The following SPON1 variants were observed in gnomAD, a reference collection of about 807,000 sequenced individuals.
SPON1 encodes spondin 1.
SPON1 carries 52 observed loss-of-function variants against 111.7 expected under a neutral mutation model. The ratio of observed to expected loss-of-function variants is 0.47; its 90% CI spans 0.37 to 0.59. The LOEUF is 0.59. Ranked by LOEUF, SPON1 falls within the 20% of genes least tolerant of loss-of-function variation. The pLI, the probability that SPON1 is intolerant of heterozygous loss-of-function variation, is 0.00. For missense variants in SPON1, 957 were observed against 1,068.5 expected, an observed-to-expected ratio of 0.90 and a Z score of 1.46; for synonymous variants, 410 against 395.8, an observed-to-expected ratio of 1.04 and a Z score of -0.43.
intron 3 of SPON1, among the ~76,000 whole-genome samples, chr11:14,071,409 A>G (rs1165461751): frequency 2.0e-5 from 3 of 152,012 alleles, no homozygotes; most frequent in Non-Finnish European, 4.4e-5. Context: ...CAGCCACTCC[A>G]AATCCTTTGA....
intron 3 of SPON1, among the ~76,000 whole-genome samples, chr11:14,051,569 C>A (rs1848708063): frequency 1.3e-5 from 2 of 151,974 alleles, no homozygotes; most frequent in Admixed American, 6.5e-5. Flanking sequence ...GGCTTCCTTC[C>A]TCTCTCTGTC....
intron 7 of SPON1, among the ~76,000 whole-genome samples, chr11:14,246,753 A>G (rs1564940400): frequency 6.6e-6 from 1 of 152,300 alleles, no homozygotes; most frequent in East Asian, 1.9e-4. Flanking sequence ...GGAGATTACA[A>G]TTCAGTGGGG....
rs1554931143 is a variant in SPON1 at position 14,160,981 on chromosome 11, ATTTATATATATT to A, written c.825+25423_825+25434del. Reference sequence around the variant, plus strand: ...TATATATTTATATATATTTTTATATATTTATATATATTTTTATATATTTATATATTTATATAT... The same window carrying A: ...TATATATTTATATATATTTTTATATATTTATATATTTATATATTTATATAT... On this transcript the variant is annotated intron_variant, in intron 6 of 15. Transcript: ENST00000576479. Among the ~76,000 whole-genome samples the A allele has an allele frequency of 1.5e-3, 119 of 81,148 alleles. 16 individuals are homozygous for A. The highest frequency in any genetic ancestry group is 6.6e-3 in the East Asian group (16 of 2,434). The allele number at this position is 81,148 out of a possible 152,430, so 53.2% of individuals were successfully genotyped here. A position where few individuals can be genotyped will look rare whatever the true frequency, so the allele number is the denominator to read the frequency against.
At chr11:14,056,496 C>G (rs965712150) in intron 3 of SPON1, among the ~76,000 whole-genome samples, 30 of 152,092 alleles carry the variant, frequency 2.0e-4, no homozygotes, top group Admixed American at 1.4e-3. Context: ...CTTGCTTGCT[C>G]CTTGCCACTT....
rs1178096381 is a variant in SPON1 at position 14,160,391 on chromosome 11, TTATATATATA to T, written c.825+24825_825+24834del. Reference sequence around the variant, plus strand: ...TGTGCTCAGAACACTTACATTATTTTTATATATATATTTATATATATATATTTATATATAT... The same window carrying T: ...TGTGCTCAGAACACTTACATTATTTTTTTATATATATATATTTATATATAT... On this transcript the variant is annotated intron_variant, in intron 6 of 15. Transcript: ENST00000576479. Among the ~76,000 whole-genome samples the T allele has an allele frequency of 3.7e-3, 132 of 36,046 alleles. 4 individuals are homozygous for T. The highest frequency in any genetic ancestry group is 0.011 in the East Asian group (11 of 1,008). 23.6% of individuals were successfully genotyped at this position (36,046 alleles called of 152,430 possible).
chr11:14,049,518 C>T lies in SPON1; in HGVS notation c.479+7864C>T, dbSNP rs1415411340. Among the ~76,000 whole-genome samples the T allele has an allele frequency of 1.3e-5, 2 of 152,168 alleles. 1 individual carries two copies. The highest frequency in any genetic ancestry group is 1.3e-4 in the Admixed American group (2 of 15,270). On this transcript the variant is annotated intron_variant, in intron 3 of 15. Transcript: ENST00000576479. ...ATATAAGGGTGCCTATGACCTTCAC[C>T]AGGTTCCTCACCAGCCTTCCACTGC...
At chr11:14,075,470 C>T (rs118126376) in intron 4 of SPON1, 52 bp downstream of exon 4, 13,977 of 1,302,456 alleles carry the variant, frequency 0.011, 103 homozygotes, top group Non-Finnish European at 0.013. Context: ...GAAGGCAGCT[C>T]CTCCTGCACG....
chr11:14,205,524 T>C (rs1381323704), intron 6 of SPON1, among the ~76,000 whole-genome samples: 1 of 152,246 alleles, frequency 6.6e-6, no homozygotes, highest in African/African-American at 2.4e-5. Flanking sequence ...TAACAAAGAA[T>C]ATAACTACTT....
chr11:13,962,732 C>CGT lies in SPON1; in HGVS notation c.-173_-172insGT. The stretch of plus-strand genomic sequence containing the variant: ...TGGCTCAGCTCAGCTCAGCTCAGCG[C>CGT]AGCTCCGCGGCCGCCAAGCCGAGGC... On this transcript the variant is annotated 5_prime_UTR_variant, in exon 1 of 16. Transcript: ENST00000576479. 1 of 596,440 alleles carries CGT rather than the reference C, an allele frequency of 1.7e-6. No homozygotes were observed. Among genetic ancestry groups the CGT allele is most frequent in the South Asian group, 2.4e-5 (1 of 41,824 alleles). 36.9% of individuals were successfully genotyped at this position (596,440 alleles called of 1,614,324 possible).
intron 6 of SPON1, among the ~76,000 whole-genome samples, chr11:14,211,946 A>G (rs1249834799): frequency 6.6e-6 from 1 of 152,138 alleles, no homozygotes; most frequent in Non-Finnish European, 1.5e-5. Flanking sequence ...ATTTTTGAAA[A>G]AAAAAGCTTT....
chr11:14,120,475 C>T (rs1445141808), intron 5 of SPON1, among the ~76,000 whole-genome samples: 1 of 152,114 alleles, frequency 6.6e-6, no homozygotes, highest in East Asian at 1.9e-4. Context: ...GGAACAGTCA[C>T]CCCCAGCTTA....
chr11:14,148,835 C>T (rs782018378), intron 6 of SPON1, among the ~76,000 whole-genome samples: 15 of 152,138 alleles, frequency 9.9e-5, no homozygotes, highest in Non-Finnish European at 1.6e-4. Context: ...TAGAGCTGGA[C>T]TTTTCAATGA....
chr11:14,167,653 A>G (rs7927699), intron 6 of SPON1, among the ~76,000 whole-genome samples: 27,009 of 152,090 alleles, frequency 0.18, 2,532 homozygotes, highest in Admixed American at 0.24. Context: ...GTTTTAATTA[A>G]TTTGGCCATA....
chr11:14,209,839 G>C (rs1848555319), intron 6 of SPON1, among the ~76,000 whole-genome samples: 1 of 152,190 alleles, frequency 6.6e-6, no homozygotes, highest in Non-Finnish European at 1.5e-5. Context: ...TTGCCACACT[G>C]TGTTCCACAA....
chr11:14,040,835 C>T (rs782459570), intron 2 of SPON1, among the ~76,000 whole-genome samples: 2 of 151,896 alleles, frequency 1.3e-5, no homozygotes, highest in Non-Finnish European at 2.9e-5. Context: ...CCCAAAAGAT[C>T]CTTTCAGGTC....
At chr11:14,256,501 C>T in intron 9 of SPON1, 116 bp from the exon 10 acceptor site, 1 of 663,136 alleles carries the variant, frequency 1.5e-6, no homozygotes, top group Non-Finnish European at 2.6e-6. Flanking sequence ...AGAACTTTGC[C>T]ATGGCATACG....
chr11:14,118,311 C>G (rs1849280992), intron 5 of SPON1, among the ~76,000 whole-genome samples: 1 of 152,124 alleles, frequency 6.6e-6, no homozygotes, highest in Non-Finnish European at 1.5e-5. Flanking sequence ...AGGAATATAG[C>G]CTCTCTCCCA....
At chr11:14,081,608 G>A (rs1184694793) in intron 5 of SPON1, among the ~76,000 whole-genome samples, 2 of 152,074 alleles carry the variant, frequency 1.3e-5, no homozygotes, top group Admixed American at 6.5e-5. Flanking sequence ...ATGTCCATGT[G>A]TGGCACTGAG....
chr11:14,263,146 AATATTGAGCAAGCAT>A, intron 15 of SPON1, 171 bp downstream of exon 15: 1 of 666,520 alleles, frequency 1.5e-6, no homozygotes, highest in Non-Finnish European at 2.4e-6. Flanking sequence ...TTTGTTCCCA[AATATTGAGCAAGCAT>A]AATTTATAAA....
Sources: allele counts gnomAD v4.1 joint callset (sites outside exome capture counted in the v4.1 genomes callset), GRCh38; gene constraint gnomAD v4.1.1; transcripts MANE v1.5; gene names NCBI Gene and HGNC (gene_info 2026-07-23, HGNC 2026-07-21).